NEGR1: variants seen among roughly 807,000 people sequenced by gnomAD.
NEGR1 encodes IgLON family member 4.
A neutral mutation model predicts 40.9 loss-of-function variants in NEGR1; 10 were observed. That is an observed-to-expected ratio of 0.24 (90% CI 0.15 to 0.42). The LOEUF is 0.42. Among genes scored for constraint, NEGR1 ranks in the 10% least tolerant of loss-of-function variants. NEGR1 has a pLI of 1.00. For missense variants in NEGR1, 352 were observed against 438.9 expected, an observed-to-expected ratio of 0.80 and a Z score of 1.77; for synonymous variants, 185 against 166.8, an observed-to-expected ratio of 1.11 and a Z score of -0.84.
chr1:71,636,355 T>G (rs1377088738), intron 4 of NEGR1, among the ~76,000 whole-genome samples: 1 of 152,112 alleles, frequency 6.6e-6, no homozygotes, highest in African/African-American at 2.4e-5. Flanking sequence ...TATTAAACCA[T>G]TTCATTTTTA....
chr1:71,558,886 T>A (rs1449616396), intron 6 of NEGR1, among the ~76,000 whole-genome samples: 1 of 150,804 alleles, frequency 6.6e-6, no homozygotes, highest in Non-Finnish European at 1.5e-5. Context: ...TGGGAACTAG[T>A]TGCACTAGTC....
chr1:71,682,615 C>T (rs138060287), intron 4 of NEGR1, among the ~76,000 whole-genome samples: 39 of 152,202 alleles, frequency 2.6e-4, no homozygotes, highest in South Asian at 1.7e-3. Flanking sequence ...ATTTAAATAA[C>T]GCCTCTAGAT....
chr1:71,527,959 G>C (rs1418868286), intron 6 of NEGR1, among the ~76,000 whole-genome samples: 3 of 151,210 alleles, frequency 2.0e-5, no homozygotes, highest in African/African-American at 7.3e-5. Context: ...AATGATGAAA[G>C]TTAGACACAA....
intron 1 of NEGR1, among the ~76,000 whole-genome samples, chr1:71,937,950 C>T (rs1390052399): frequency 2.6e-5 from 4 of 151,944 alleles, no homozygotes; most frequent in East Asian, 3.9e-4. Context: ...AAGCACTGTT[C>T]CTCAATTCTG....
intron 6 of NEGR1, among the ~76,000 whole-genome samples, chr1:71,506,306 C>T (rs1361827476): frequency 6.6e-6 from 1 of 152,184 alleles, no homozygotes; most frequent in Admixed American, 6.5e-5. Flanking sequence ...CTGTTCGTAA[C>T]AGTAGACCAG....
intron 6 of NEGR1, among the ~76,000 whole-genome samples, chr1:71,462,383 G>T (rs1646719741): frequency 6.6e-6 from 1 of 152,092 alleles, no homozygotes; most frequent in Non-Finnish European, 1.5e-5. Flanking sequence ...CAGGTAGAGG[G>T]CAATGGAGAT....
chr1:71,610,475 A>G (rs1650217024), intron 5 of NEGR1, among the ~76,000 whole-genome samples: 1 of 152,192 alleles, frequency 6.6e-6, no homozygotes, highest in South Asian at 2.1e-4. Flanking sequence ...CACAGAGTTG[A>G]AATAAGAGCA....
At chr1:71,441,022 G>A (rs1056176704) in intron 6 of NEGR1, among the ~76,000 whole-genome samples, 3 of 152,218 alleles carry the variant, frequency 2.0e-5, no homozygotes, top group African/African-American at 7.2e-5. Context: ...ACACTGTGCA[G>A]AAATGTAGGT....
intron 2 of NEGR1, among the ~76,000 whole-genome samples, chr1:71,786,692 G>T (rs1656921637): frequency 6.6e-6 from 1 of 152,042 alleles, no homozygotes; most frequent in Non-Finnish European, 1.5e-5. Flanking sequence ...TGGTTTGTGT[G>T]GTGGTTCTAT....
intron 1 of NEGR1, among the ~76,000 whole-genome samples, chr1:72,266,754 C>CACACACAT (rs1655657512): frequency 6.7e-6 from 1 of 149,966 alleles, no homozygotes; most frequent in South Asian, 2.1e-4. Context: ...CACACACACA[C>CACACACAT]ACACACACAC....
At chr1:72,152,088 T>C (rs1651147921) in intron 1 of NEGR1, among the ~76,000 whole-genome samples, 1 of 151,814 alleles carries the variant, frequency 6.6e-6, no homozygotes, top group African/African-American at 2.4e-5. Context: ...CGCAAGCTTA[T>C]ATGAAGCAAT....
chr1:71,549,490 G>A (rs546915476), intron 6 of NEGR1, among the ~76,000 whole-genome samples: 8 of 151,810 alleles, frequency 5.3e-5, no homozygotes, highest in African/African-American at 1.7e-4. Context: ...CTTCCCAAGT[G>A]CCTCTGGAAG....
In NEGR1 at chr1:72,046,453, T is replaced by C. The variant is rs76506523; in HGVS notation, c.177-111142A>G. 7.8e-4 allele frequency among the ~76,000 whole-genome samples: 119 copies of C among 151,726 alleles called. 1 individual carries two copies. The highest frequency in any genetic ancestry group is 2.7e-3 in the African/African-American group (113 of 41,498). On this transcript the variant is annotated intron_variant, in intron 1 of 6. Coordinates refer to ENST00000357731, the MANE Select transcript of NEGR1 (RefSeq NM_173808.3). ...CTCTATTCAATTCAAAGACATTTAG[T>C]TTAGGGCACTGCAACCCTTCAAAAT...
intron 2 of NEGR1, among the ~76,000 whole-genome samples, chr1:71,880,401 C>T (rs1660550407): frequency 4.0e-5 from 6 of 151,804 alleles, no homozygotes; most frequent in Admixed American, 3.3e-4. Context: ...AATTTTGATG[C>T]CCCCAATTAC....
chr1:72,143,372 A>G (rs1416561478), intron 1 of NEGR1, among the ~76,000 whole-genome samples: 1 of 151,892 alleles, frequency 6.6e-6, no homozygotes, highest in Non-Finnish European at 1.5e-5. Flanking sequence ...CATGTTCACA[A>G]ATCAAGACAG....
chr1:71,558,521 T>C (rs1648328447), intron 6 of NEGR1, among the ~76,000 whole-genome samples: 1 of 151,564 alleles, frequency 6.6e-6, no homozygotes, highest in South Asian at 2.1e-4. Flanking sequence ...GTCATTCATA[T>C]ATGTATTCAA....
chr1:72,170,082 T>A (rs1651907017), intron 1 of NEGR1, among the ~76,000 whole-genome samples: 1 of 152,176 alleles, frequency 6.6e-6, no homozygotes, highest in African/African-American at 2.4e-5. Flanking sequence ...ACATCTTTTA[T>A]AAAATTCTAA....
At chr1:71,410,946 C>T (rs929989008) in intron 6 of NEGR1, among the ~76,000 whole-genome samples, 1 of 152,106 alleles carries the variant, frequency 6.6e-6, no homozygotes, top group African/African-American at 2.4e-5. Flanking sequence ...CAGAAAATCC[C>T]ATATGACAAA....
intron 1 of NEGR1, among the ~76,000 whole-genome samples, chr1:71,951,496 T>C (rs1173536920): frequency 1.3e-5 from 2 of 152,010 alleles, no homozygotes; most frequent in African/African-American, 4.8e-5. Context: ...TAAAGGTTGT[T>C]ATTCTGAGAT....
Sources: allele counts gnomAD v4.1 joint callset (sites outside exome capture counted in the v4.1 genomes callset), GRCh38; gene constraint gnomAD v4.1.1; transcripts MANE v1.5; gene names NCBI Gene and HGNC (gene_info 2026-07-23, HGNC 2026-07-21).